WWOX: variants seen among roughly 807,000 people sequenced by gnomAD.
WWOX encodes WW domain-containing oxidoreductase.
WWOX carries 69 observed loss-of-function variants against 46.2 expected under a neutral mutation model. That is an observed-to-expected ratio of 1.49 (90% CI 1.23 to 1.82). The LOEUF (loss-of-function observed/expected upper bound fraction) is 1.82, where lower values mean the gene tolerates loss of function less well. Among genes scored for constraint, WWOX ranks in the 40% most tolerant of loss-of-function variants. The probability of loss-of-function intolerance (pLI) is 0.00; values close to 1 mark genes in which losing one functional copy is unlikely to be tolerated. For synonymous variants in WWOX, 359 were observed against 202.6 expected, an observed-to-expected ratio of 1.77 and a Z score of -6.56; for missense variants, 919 against 542.6, an observed-to-expected ratio of 1.69 and a Z score of -6.89.
intron 8 of WWOX, among the ~76,000 whole-genome samples, chr16:78,776,398 G>T (rs1347754520): frequency 6.6e-6 from 1 of 152,084 alleles, no homozygotes; most frequent in Admixed American, 6.5e-5. Flanking sequence ...TGTGACCTGG[G>T]TCAACTCATA....
At chr16:78,221,845 C>G (rs1567437731) in intron 5 of WWOX, among the ~76,000 whole-genome samples, 1 of 152,162 alleles carries the variant, frequency 6.6e-6, no homozygotes, top group Non-Finnish European at 1.5e-5. Context: ...GGTCTCACCT[C>G]CCTCCAAAAC....
chr16:79,122,508 TTCCCTTCC>T (rs777002236), intron 8 of WWOX, among the ~76,000 whole-genome samples: 2 of 152,036 alleles, frequency 1.3e-5, no homozygotes, highest in Non-Finnish European at 2.9e-5. Context: ...TTCTTTTTCC[TTCCCTTCC>T]TTCCTTCCTT....
In WWOX at chr16:78,557,689, A is replaced by ATTTTTTTTTTTTTTTTTTTTTTTTTTTTT. The variant is rs34068363; in HGVS notation, c.1056+124960_1056+124961insTTTTTTTTTTTTTTTTTTTTTTTTTTTTT. Among the ~76,000 whole-genome samples, 8 of 96,626 alleles carry ATTTTTTTTTTTTTTTTTTTTTTTTTTTTT rather than the reference A, an allele frequency of 8.3e-5. 1 individual carries two copies. Among genetic ancestry groups the ATTTTTTTTTTTTTTTTTTTTTTTTTTTTT allele is most frequent in the African/African-American group, 3.6e-4 (7 of 19,196 alleles). 63.4% of individuals were successfully genotyped at this position (96,626 alleles called of 152,430 possible). On this transcript the variant is annotated intron_variant, in intron 8 of 8. Transcript: ENST00000566780. ...CATAAGTGCATTCCTCTAGGGAAGG[A>ATTTTTTTTTTTTTTTTTTTTTTTTTTTTT]TTTTTTTTTTTTTTTTTTTTTTTGA...
chr16:78,821,322 G>A (rs147454112), intron 8 of WWOX, among the ~76,000 whole-genome samples: 17 of 152,236 alleles, frequency 1.1e-4, no homozygotes, highest in Middle Eastern at 3.4e-3. Context: ...GATGGAGGGT[G>A]GGTCGGAAGC....
chr16:78,335,122 G>C (rs9933929), intron 5 of WWOX, among the ~76,000 whole-genome samples: 17,003 of 152,060 alleles, frequency 0.11, 1,093 homozygotes, highest in East Asian at 0.13. Context: ...TGCAGTCTGA[G>C]GTTTATTTTT....
intron 8 of WWOX, among the ~76,000 whole-genome samples, chr16:78,759,311 G>A (rs1288549417): frequency 6.6e-6 from 1 of 152,168 alleles, no homozygotes; most frequent in Non-Finnish European, 1.5e-5. Flanking sequence ...AAATGAATTC[G>A]TAAGTGTGCA....
intron 8 of WWOX, among the ~76,000 whole-genome samples, chr16:79,064,922 G>A (rs969683193): frequency 6.6e-6 from 1 of 152,206 alleles, no homozygotes; most frequent in Non-Finnish European, 1.5e-5. Flanking sequence ...CTGATGGCCA[G>A]TGCAAATGGC....
intron 8 of WWOX, among the ~76,000 whole-genome samples, chr16:78,533,033 G>C (rs1287568069): frequency 6.6e-6 from 1 of 152,198 alleles, no homozygotes; most frequent in Non-Finnish European, 1.5e-5. Flanking sequence ...CGTCAGTAGA[G>C]GTCCTGATGA....
intron 8 of WWOX, among the ~76,000 whole-genome samples, chr16:78,508,952 C>A (rs1381701834): frequency 1.3e-5 from 2 of 152,218 alleles, no homozygotes; most frequent in African/African-American, 4.8e-5. Flanking sequence ...TCAAAAGTAT[C>A]CTCTCTAGGC....
intron 8 of WWOX, among the ~76,000 whole-genome samples, chr16:78,922,825 G>T (rs980939180): frequency 2.0e-5 from 3 of 152,174 alleles, no homozygotes; most frequent in Admixed American, 1.3e-4. Context: ...GGGGGTCCCA[G>T]TCCTGGGCAC....
intron 8 of WWOX, among the ~76,000 whole-genome samples, chr16:79,092,904 C>G (rs1048192455): frequency 1.3e-5 from 2 of 152,102 alleles, no homozygotes; most frequent in African/African-American, 2.4e-5. Context: ...TAGATAAGGC[C>G]CATTTTCATG....
chr16:78,613,727 T>A (rs903680356), intron 8 of WWOX, among the ~76,000 whole-genome samples: 28 of 152,312 alleles, frequency 1.8e-4, no homozygotes, highest in African/African-American at 6.7e-4. Context: ...GAACGAACTT[T>A]CCAGCCGAGA....
chr16:78,629,550 T>C (rs953302637), intron 8 of WWOX, among the ~76,000 whole-genome samples: 1 of 152,168 alleles, frequency 6.6e-6, no homozygotes, highest in Non-Finnish European at 1.5e-5. Flanking sequence ...TAGGATAAAA[T>C]AACAAAATCC....
At chr16:78,304,570 A>C (rs1237157388) in intron 5 of WWOX, among the ~76,000 whole-genome samples, 2 of 152,226 alleles carry the variant, frequency 1.3e-5, no homozygotes, top group East Asian at 3.9e-4. Context: ...ACAATATTTC[A>C]TAGAGACTTT....
At chr16:78,928,343 C>A (rs975759320) in intron 8 of WWOX, among the ~76,000 whole-genome samples, 1 of 151,522 alleles carries the variant, frequency 6.6e-6, no homozygotes, top group East Asian at 1.9e-4. Context: ...GCTGGGACTA[C>A]AGGCGCCCGC....
chr16:79,185,212 A>G (rs1165934096), intron 8 of WWOX, among the ~76,000 whole-genome samples: 1 of 152,206 alleles, frequency 6.6e-6, no homozygotes, highest in Non-Finnish European at 1.5e-5. Context: ...ACTTGGACTT[A>G]CAGTCCCAAA....
At chr16:78,697,746 T>C (rs1012028593) in intron 8 of WWOX, among the ~76,000 whole-genome samples, 2 of 152,154 alleles carry the variant, frequency 1.3e-5, no homozygotes, top group African/African-American at 4.8e-5. Context: ...GTAGGTTAGG[T>C]GTGTTAAATG....
intron 8 of WWOX, among the ~76,000 whole-genome samples, chr16:78,939,360 A>C (rs532444621): frequency 1.3e-5 from 2 of 152,236 alleles, no homozygotes; most frequent in South Asian, 2.1e-4. Flanking sequence ...ATGACTCTAC[A>C]ATTGCTGGGA....
At chr16:78,334,833 TACACACACAC>T (rs907694061) in intron 5 of WWOX, among the ~76,000 whole-genome samples, 3 of 104,454 alleles carry the variant, frequency 2.9e-5, no homozygotes, top group Non-Finnish European at 5.6e-5. Flanking sequence ...CACACACACA[TACACACACAC>T]ACACACACAC....
Sources: allele counts gnomAD v4.1 joint callset (sites outside exome capture counted in the v4.1 genomes callset), GRCh38; gene constraint gnomAD v4.1.1; transcripts MANE v1.5; gene names NCBI Gene and HGNC (gene_info 2026-07-23, HGNC 2026-07-21).